RABGAP1L: variants seen among roughly 807,000 people sequenced by gnomAD.
The protein encoded by RABGAP1L is rab GTPase-activating protein 1-like.
Under a neutral mutation model 137.7 loss-of-function variants are expected in RABGAP1L, and 63 were observed. The ratio of observed to expected loss-of-function variants is 0.46; its 90% CI spans 0.37 to 0.56. RABGAP1L has a LOEUF of 0.56. Ranked by LOEUF, RABGAP1L falls within the 20% of genes least tolerant of loss-of-function variation. RABGAP1L has a pLI of 0.00. For synonymous variants in RABGAP1L, 431 were observed against 433.7 expected (o/e 0.99, Z 0.08); for missense variants, 1,095 against 1,244.0 (o/e 0.88, Z 1.80).
chr1:174,622,597 C>G (rs544479920), intron 13 of RABGAP1L, among the ~76,000 whole-genome samples: 158 of 152,266 alleles, frequency 1.0e-3, no homozygotes, highest in Admixed American at 2.8e-3. Context: ...AGCAAACTGT[C>G]ACAAGGACAG....
chr1:174,263,896 G>T (rs898173507), intron 7 of RABGAP1L, among the ~76,000 whole-genome samples: 3 of 151,440 alleles, frequency 2.0e-5, no homozygotes, highest in Admixed American at 2.0e-4. Flanking sequence ...ATGTTTACAG[G>T]GGTCAGTATT....
chr1:174,542,064 T>G (rs896094857), intron 13 of RABGAP1L, among the ~76,000 whole-genome samples: 3 of 152,180 alleles, frequency 2.0e-5, no homozygotes. Flanking sequence ...CTTTTTTTGT[T>G]GTGTCTCTGC....
intron 1 of RABGAP1L, among the ~76,000 whole-genome samples, chr1:174,202,588 C>G (rs1668204719): frequency 1.3e-5 from 2 of 151,944 alleles, no homozygotes; most frequent in Admixed American, 6.6e-5. Flanking sequence ...AAATTTTCTC[C>G]CATTTTGTAG....
At chr1:174,233,163 CTT>C (rs1670830369) in intron 4 of RABGAP1L, among the ~76,000 whole-genome samples, 1 of 152,124 alleles carries the variant, frequency 6.6e-6, no homozygotes, top group Non-Finnish European at 1.5e-5. Context: ...TTCTCTCTCT[CTT>C]TCTGTCCTTC....
intron 17 of RABGAP1L, among the ~76,000 whole-genome samples, chr1:174,711,172 C>G (rs1277249127): frequency 6.6e-6 from 1 of 152,164 alleles, no homozygotes; most frequent in Non-Finnish European, 1.5e-5. Context: ...GGAACTCACG[C>G]TGGCCCGCAA....
intron 11 of RABGAP1L, among the ~76,000 whole-genome samples, chr1:174,320,647 C>A (rs1679876819): frequency 6.6e-6 from 1 of 152,080 alleles, no homozygotes; most frequent in African/African-American, 2.4e-5. Context: ...TTTCTTATGC[C>A]TGTCTTTACT....
intron 19 of RABGAP1L, among the ~76,000 whole-genome samples, chr1:174,834,426 G>GA (rs67502774): frequency 0.51 from 65,975 of 129,402 alleles, 18,298 homozygotes; most frequent in East Asian, 0.72. Context: ...AACTCCGTCT[G>GA]AAAAAAAAAA....
chr1:174,481,163 G>C (rs1315350487), intron 13 of RABGAP1L, among the ~76,000 whole-genome samples: 4 of 152,096 alleles, frequency 2.6e-5, no homozygotes, highest in Non-Finnish European at 5.9e-5. Context: ...CTTGACGCCA[G>C]CCCACTCCGA....
chr1:174,237,214 C>T (rs1386457722), intron 4 of RABGAP1L, among the ~76,000 whole-genome samples: 33 of 147,404 alleles, frequency 2.2e-4, no homozygotes, highest in Non-Finnish European at 4.2e-4. Flanking sequence ...TGGGTCTTGA[C>T]TCTTTATCCA....
At chr1:174,565,465 G>GT (rs543118769) in intron 13 of RABGAP1L, among the ~76,000 whole-genome samples, 53 of 152,136 alleles carry the variant, frequency 3.5e-4, no homozygotes, top group Non-Finnish European at 5.4e-4. Flanking sequence ...TGCCCCACTT[G>GT]TTTTTTGTTT....
chr1:174,707,585 T>C (rs1680151441), intron 17 of RABGAP1L, among the ~76,000 whole-genome samples: 1 of 152,220 alleles, frequency 6.6e-6, no homozygotes, highest in African/African-American at 2.4e-5. Context: ...TTTGTTTGTG[T>C]AATGAGACTA....
intron 19 of RABGAP1L, among the ~76,000 whole-genome samples, chr1:174,901,893 CTGTT>C (rs1179928411): frequency 1.3e-5 from 2 of 151,984 alleles, no homozygotes; most frequent in African/African-American, 4.8e-5. Flanking sequence ...TTGTAGTTTT[CTGTT>C]TGTTTTTCTT....
At chr1:174,393,723 A>G in intron 12 of RABGAP1L, among the ~76,000 whole-genome samples, 1 of 152,188 alleles carries the variant, frequency 6.6e-6, no homozygotes, top group East Asian at 1.9e-4. Flanking sequence ...TATTATGAGT[A>G]AGTCCATAGG....
At chr1:174,284,754 TTTTTTTG>T in intron 10 of RABGAP1L, among the ~76,000 whole-genome samples, 1 of 146,530 alleles carries the variant, frequency 6.8e-6, no homozygotes, top group Non-Finnish European at 1.5e-5. Context: ...TTTTTTTTTT[TTTTTTTG>T]TGATGGGGTC....
intron 19 of RABGAP1L, among the ~76,000 whole-genome samples, chr1:174,925,914 G>T: frequency 7.5e-6 from 1 of 132,680 alleles, no homozygotes; most frequent in Non-Finnish European, 1.6e-5. Context: ...TTTGATACCA[G>T]GCTGCAGTGG....
chr1:174,814,325 AAT>A (rs1199117990), intron 19 of RABGAP1L, among the ~76,000 whole-genome samples: 1 of 152,174 alleles, frequency 6.6e-6, no homozygotes, highest in Admixed American at 6.5e-5. Context: ...GTAAAGTTTT[AAT>A]AGTTTTTTGT....
intron 13 of RABGAP1L, among the ~76,000 whole-genome samples, chr1:174,492,176 CTTTTTTTTTTT>C (rs756360090): frequency 4.2e-5 from 5 of 120,010 alleles, no homozygotes; most frequent in African/African-American, 6.5e-5. Flanking sequence ...TGTCGAATTA[CTTTTTTTTTTT>C]TTTTTTTTTT....
chr1:174,406,455 A>T (rs1400435320), intron 13 of RABGAP1L, among the ~76,000 whole-genome samples: 2 of 152,146 alleles, frequency 1.3e-5, no homozygotes, highest in African/African-American at 2.4e-5. Flanking sequence ...TTGAAGAAAG[A>T]TGTTAGAGGT....
At chr1:174,499,909 C>T (rs1238657194) in intron 13 of RABGAP1L, among the ~76,000 whole-genome samples, 1 of 152,028 alleles carries the variant, frequency 6.6e-6, no homozygotes, top group African/African-American at 2.4e-5. Context: ...TAATTTTAGA[C>T]CCTAATAACT....
Sources: gnomAD v4.1 joint callset for allele counts (sites outside exome capture counted in the v4.1 genomes callset) on GRCh38, gnomAD v4.1.1 for gene constraint, MANE v1.5 for transcripts, NCBI Gene and HGNC (gene_info 2026-07-23, HGNC 2026-07-21) for gene names.